The following PTPRD variants were observed in gnomAD, a reference collection of about 807,000 sequenced individuals.
PTPRD encodes the protein protein tyrosine phosphatase receptor type D.
In PTPRD, 34 loss-of-function variants were observed where a neutral mutation model predicts 214.5. That is an observed-to-expected ratio of 0.16 (90% confidence interval 0.12 to 0.21). PTPRD has a LOEUF of 0.21. Among genes scored for constraint, PTPRD ranks in the 10% least tolerant of loss-of-function variants. The pLI is 1.00. For missense variants in PTPRD, 2,545 were observed against 2,398.7 expected (o/e 1.06, Z -1.27); for synonymous variants, 1,128 against 845.7 (o/e 1.33, Z -5.79).
At chr9:9,369,531 T>C (rs1267161366) in intron 9 of PTPRD, among the ~76,000 whole-genome samples, 2 of 152,134 alleles carry the variant, frequency 1.3e-5, no homozygotes, top group African/African-American at 4.8e-5. Context: ...GATGGGTAGA[T>C]TGCAAACATT....
chr9:8,938,694 G>C (rs1238241719), intron 11 of PTPRD, among the ~76,000 whole-genome samples: 2 of 151,546 alleles, frequency 1.3e-5, no homozygotes, highest in African/African-American at 4.9e-5. Flanking sequence ...TAGTACAAAG[G>C]GTCCACTAAG....
chr9:10,049,412 AAAGAAAG>A (rs1567316195), intron 3 of PTPRD, among the ~76,000 whole-genome samples: 20 of 80,328 alleles, frequency 2.5e-4, no homozygotes, highest in African/African-American at 7.1e-4. Flanking sequence ...AAAAAAAAAG[AAAGAAAG>A]AAAGAAAGAA....
At position 9,717,238 on chromosome 9, in the gene PTPRD, G is replaced by C. The variant is rs551325336; in HGVS notation, c.-287+17295C>G. ...TCTGTTTTGGTACCAGTACCATGCT[G>C]TTTTGCTTACTATAGCCTTGTAGTA... On this transcript the variant is annotated intron_variant, in intron 7 of 45. Coordinates refer to ENST00000381196, the MANE Select transcript of PTPRD (RefSeq NM_002839.4). 2.6e-5 allele frequency among the ~76,000 whole-genome samples: 4 copies of C among 152,300 alleles called. No homozygotes were observed. In the East Asian group the frequency reaches 7.7e-4, roughly 29 times the overall value.
chr9:9,048,237 G>C (rs1265158639), intron 10 of PTPRD, among the ~76,000 whole-genome samples: 3 of 152,154 alleles, frequency 2.0e-5, no homozygotes, highest in African/African-American at 7.2e-5. Flanking sequence ...ACAGAGAGCA[G>C]TTTGGAGGTT....
In PTPRD at chr9:9,216,360, T is replaced by G. The variant is rs530157366; in HGVS notation, c.-202-32997A>C. On this transcript the variant is annotated intron_variant, in intron 9 of 45. Coordinates refer to ENST00000381196, the MANE Select transcript of PTPRD (RefSeq NM_002839.4). ...TACCTCAGTTTTCTCCTCTATGATA[T>G]GGAGCTAATTATACTACTTGCTTCG... Among the ~76,000 whole-genome samples the G allele has an allele frequency of 1.7e-3, 265 of 152,314 alleles. 1 individual carries two copies. The highest frequency in any genetic ancestry group is 6.0e-3 in the African/African-American group (251 of 41,580).
At chr9:9,070,023 T>C (rs1052862112) in intron 10 of PTPRD, among the ~76,000 whole-genome samples, 2 of 152,202 alleles carry the variant, frequency 1.3e-5, no homozygotes, top group Non-Finnish European at 2.9e-5. Flanking sequence ...TGGAAAATAT[T>C]TCCCTAGTTG....
chr9:10,328,194 T>C (rs1023935263), intron 3 of PTPRD, among the ~76,000 whole-genome samples: 3 of 151,746 alleles, frequency 2.0e-5, no homozygotes, highest in African/African-American at 7.2e-5. Context: ...TATACTGTAA[T>C]ACACTCTTAG....
chr9:10,508,793 G>C (rs925713603), intron 2 of PTPRD, among the ~76,000 whole-genome samples: 1 of 151,996 alleles, frequency 6.6e-6, no homozygotes, highest in Non-Finnish European at 1.5e-5. Context: ...GGGGCCTGTC[G>C]TGGGGTGGGG....
At chr9:9,985,638 C>T (rs1287275615) in intron 4 of PTPRD, among the ~76,000 whole-genome samples, 2 of 151,942 alleles carry the variant, frequency 1.3e-5, no homozygotes, top group Admixed American at 1.3e-4. Flanking sequence ...ATTGGAGATT[C>T]TATAGATACA....
At chr9:10,092,978 A>G (rs935767692) in intron 3 of PTPRD, among the ~76,000 whole-genome samples, 3 of 151,414 alleles carry the variant, frequency 2.0e-5, no homozygotes, top group Non-Finnish European at 4.4e-5. Flanking sequence ...TTTAGATGTA[A>G]AACTTCAAAC....
intron 3 of PTPRD, among the ~76,000 whole-genome samples, chr9:10,059,090 G>C (rs1220602402): frequency 7.2e-5 from 11 of 152,112 alleles, no homozygotes; most frequent in Admixed American, 7.2e-4. Context: ...AGAATGTGTA[G>C]AGGCAACTAC....
At chr9:9,893,793 C>T in intron 5 of PTPRD, among the ~76,000 whole-genome samples, 1 of 152,172 alleles carries the variant, frequency 6.6e-6, no homozygotes, top group Non-Finnish European at 1.5e-5. Flanking sequence ...TAGCTACCAC[C>T]TTGTCTTCTT....
intron 9 of PTPRD, among the ~76,000 whole-genome samples, chr9:9,300,384 T>C (rs764147478): frequency 2.0e-5 from 3 of 151,776 alleles, no homozygotes; most frequent in Non-Finnish European, 4.4e-5. Context: ...TTGGAAGCTT[T>C]GAATATGCTG....
In PTPRD at chr9:10,350,100, T is replaced by G. The variant is rs553863853; in HGVS notation, c.-599-9083A>C. 4.6e-5 allele frequency among the ~76,000 whole-genome samples: 7 copies of G among 152,340 alleles called. 1 individual carries two copies. The South Asian group carries it at 1.4e-3, about 32-fold the overall frequency. On this transcript the variant is annotated intron_variant, in intron 2 of 45. Coordinates refer to ENST00000381196, the MANE Select transcript of PTPRD (RefSeq NM_002839.4). The stretch of plus-strand genomic sequence containing the variant: ...GTGACACTATTGATTAGACAATACT[T>G]CACTAATTAATATAGACCCATTTCA...
intron 20 of PTPRD, among the ~76,000 whole-genome samples, chr9:8,520,899 T>C (rs1347102739): frequency 6.6e-6 from 1 of 152,162 alleles, no homozygotes; most frequent in South Asian, 2.1e-4. Context: ...TAAGCATTTA[T>C]TAATGCTCAT....
chr9:8,440,302 T>A (rs1407866325), intron 34 of PTPRD, among the ~76,000 whole-genome samples: 3 of 146,536 alleles, frequency 2.0e-5, no homozygotes, highest in South Asian at 2.2e-4. Context: ...GCTACAAATG[T>A]ACAATAGAAA....
intron 12 of PTPRD, among the ~76,000 whole-genome samples, chr9:8,637,712 T>A (rs2096476675): frequency 6.6e-6 from 1 of 152,258 alleles, no homozygotes; most frequent in African/African-American, 2.4e-5. Flanking sequence ...ATATTCATCA[T>A]ATCATTTGTT....
intron 11 of PTPRD, among the ~76,000 whole-genome samples, chr9:8,809,465 A>C (rs749341469): frequency 6.6e-6 from 1 of 152,042 alleles, no homozygotes; most frequent in African/African-American, 2.4e-5. Context: ...ACGTCTTTCC[A>C]TTTTCCATAT....
chr9:8,353,978 GAGA>G (rs1192244618), intron 39 of PTPRD, among the ~76,000 whole-genome samples: 1 of 54,582 alleles, frequency 1.8e-5, no homozygotes, highest in Non-Finnish European at 4.3e-5. Context: ...TTTTTTTTTT[GAGA>G]AGGAGTCTCA....
Sources: gnomAD v4.1 joint callset for allele counts (sites outside exome capture counted in the v4.1 genomes callset) on GRCh38, gnomAD v4.1.1 for gene constraint, MANE v1.5 for transcripts, NCBI Gene and HGNC (gene_info 2026-07-23, HGNC 2026-07-21) for gene names.